MYH6: variants seen among roughly 807,000 people sequenced by gnomAD.
The protein encoded by MYH6 is myosin-6.
Under a neutral mutation model 223.2 loss-of-function variants are expected in MYH6, and 126 were observed. The observed-to-expected ratio is 0.56, with a 90% CI of 0.49 to 0.65. The LOEUF (loss-of-function observed/expected upper bound fraction) is 0.65, where lower values mean the gene tolerates loss of function less well. MYH6 is among the 30% of genes least tolerant of loss of function. The pLI, the probability that MYH6 is intolerant of heterozygous loss-of-function variation, is 0.00. For missense variants in MYH6, 2,040 were observed against 2,536.4 expected (o/e 0.80, Z 4.20); for synonymous variants, 978 against 1,010.2 (o/e 0.97, Z 0.61).
chr14:23,386,546 C>T lies in MYH6; in HGVS notation c.4728G>A (p.Arg1576=), dbSNP rs912229955. ...EFNQIKAEIE[R]KLAEKDEEME... ...TCTCCTCGTCCTTCTCTGCCAGCTT[C>T]CGCTCGATCTCTGCCTTGATCTGGT... The change falls in exon 33 of 39, where the codon CGG becomes CGA. Residue 1576 remains arginine (R), a synonymous_variant. Transcript: ENST00000405093. 5.0e-6 allele frequency: 8 copies of T among 1,614,108 alleles called. No homozygotes were observed. Among genetic ancestry groups the T allele is most frequent in the African/African-American group, 2.7e-5 (2 of 75,018 alleles).
At chr14:23,398,132 C>T (rs1891485898) in intron 15 of MYH6, among the ~76,000 whole-genome samples, 1 of 151,996 alleles carries the variant, frequency 6.6e-6, no homozygotes, top group South Asian at 2.1e-4. Context: ...ACTTTCCTGC[C>T]TCAGCCTCCC....
At position 23,392,865 on chromosome 14, in the gene MYH6, A is replaced by C. The variant is rs1891276913; in HGVS notation, c.3251+47T>G. ...CGCAGCACCCTGCACTCTATCTACC[A>C]GGCCAGACACCTCCATTAGCCCCTC... On this transcript the variant is annotated intron_variant, in intron 24 of 38. Coordinates refer to ENST00000405093, the MANE Select transcript of MYH6 (RefSeq NM_002471.4). 4 of 1,610,040 alleles carry C rather than the reference A, an allele frequency of 2.5e-6. No homozygotes were observed. In the Admixed American group the frequency reaches 6.7e-5, roughly 27 times the overall value.
chr14:23,400,139 C>G, intron 14 of MYH6, 117 bp downstream of exon 14: 1 of 1,489,142 alleles, frequency 6.7e-7, no homozygotes, highest in South Asian at 1.2e-5. Context: ...AGAAGCTGGG[C>G]CTGGAGAAAG....
At chr14:23,403,288 A>G in intron 10 of MYH6, 60 bp downstream of exon 10, 1 of 1,399,538 alleles carries the variant, frequency 7.1e-7, no homozygotes, top group East Asian at 2.3e-5. Flanking sequence ...CCCTGCATGC[A>G]GGAGTCGTTG....
intron 29 of MYH6, chr14:23,388,587 T>A (rs1891117828): frequency 1.2e-6 from 1 of 851,062 alleles, no homozygotes. Context: ...TGATCGACGG[T>A]AGCTCCTCTG....
chr14:23,385,070 A>T, intron 34 of MYH6, 29 bp from the exon 35 acceptor site: 1 of 1,613,662 alleles, frequency 6.2e-7, no homozygotes, highest in Non-Finnish European at 8.5e-7. Flanking sequence ...AAATGATCAA[A>T]TATATACTAC....
intron 38 of MYH6, 46 bp from the exon 39 acceptor site, chr14:23,382,109 G>T: frequency 6.4e-7 from 1 of 1,551,380 alleles, no homozygotes; most frequent in Non-Finnish European, 8.9e-7. Flanking sequence ...GCAAGAGGGA[G>T]AAGTGTGTGG....
At chr14:23,403,305 G>T (rs1891670038) in intron 10 of MYH6, 43 bp downstream of exon 10, 2 of 1,517,192 alleles carry the variant, frequency 1.3e-6, no homozygotes, top group African/African-American at 1.4e-5. Context: ...GTTGGGGTGT[G>T]CAGCAGGGAC....
Position 23,394,164 on chromosome 14 carries a change from C to T in MYH6, c.2589G>A (p.Glu863=). 1 of 1,614,234 alleles carries T rather than the reference C, an allele frequency of 6.2e-7. No homozygotes were observed. The highest frequency in any genetic ancestry group is 8.5e-7 in the Non-Finnish European group (1 of 1,180,042). Residue 863 remains glutamate (E), a synonymous_variant, in exon 21 of 39, where the codon GAG becomes GAA. Transcript: ENST00000405093. ...GGCGAGCCTCGGACTTCTCCAGCGT[C>T]TCTTTGATGCGCCCGAACTCTTCCT... ...TMKEEFGRIK[E]TLEKSEARRK...
rs747673552 is a variant in MYH6, at chr14:23,384,494, G to A, written c.5513C>T (p.Ser1838Leu). The A allele has an allele frequency of 3.3e-5, 54 of 1,612,828 alleles. No individual in the cohort carries two copies. Among genetic ancestry groups the A allele is most frequent in the Admixed American group, 1.3e-4 (8 of 60,006 alleles). The change falls in exon 36 of 39, where the codon TCG (serine) becomes TTG (leucine). Residue 1838 changes from serine (S) to leucine (L), a missense_variant. By Grantham distance (145) the Ser-to-Leu change is moderately radical (BLOSUM62 -2). Around this residue, in one of 4 missense-constraint regions of MYH6, gnomAD observed 1,203 missense variants for 1,400.2 expected, o/e 0.86. Coordinates refer to ENST00000405093, the MANE Select transcript of MYH6 (RefSeq NM_002471.4). ...LEAEQKRNAESVKGMRKSERR... is the reference protein window; with the variant it reads ...LEAEQKRNAELVKGMRKSERR... ...CTCGCTCTTCCTCATGCCCTTCACC[G>A]ACTCTGCGTTGCGCTTCTGCTCGGC...
intron 35 of MYH6, 35 bp from the exon 36 acceptor site, chr14:23,384,752 C>CCGGGG: frequency 6.2e-7 from 1 of 1,614,176 alleles, no homozygotes; most frequent in South Asian, 1.1e-5. Flanking sequence ...GGAACATGGG[C>CCGGGG]CAGGGGCCGG....
chr14:23,394,656 T>C (rs1039014014), intron 20 of MYH6, among the ~76,000 whole-genome samples: 3 of 152,138 alleles, frequency 2.0e-5, no homozygotes, highest in African/African-American at 7.2e-5. Flanking sequence ...AATAAGTATG[T>C]AAGTTATGCA....
chr14:23,404,220 T>C (rs1369942998), intron 8 of MYH6, 76 bp downstream of exon 8: 4 of 1,492,204 alleles, frequency 2.7e-6, no homozygotes, highest in African/African-American at 2.8e-5. Flanking sequence ...TACAATCAAC[T>C]GGGTGTGGCA....
Position 23,389,010 on chromosome 14 carries a change from A to G in MYH6, c.4024T>C (p.Cys1342Arg), listed in dbSNP as rs1337248691. ...TCGTACTGCTCCCGCAGCAGGTCGC[A>G]GTCATGCCGGGCCGACTGCAGTGCA... The part of the protein sequence containing the change: ...AHALQSARHD[C>R]DLLREQYEEE... The change falls in exon 29 of 39, where the codon TGC becomes CGC. Residue 1342 changes from cysteine (C) to arginine (R), a missense_variant. Cys to Arg is a radical substitution (Grantham distance 180). Coordinates refer to ENST00000405093, the MANE Select transcript of MYH6 (RefSeq NM_002471.4). The G allele has an allele frequency of 6.4e-7, 1 of 1,565,208 alleles. No homozygotes were observed.
chr14:23,403,678 G>A (rs754641090), intron 9 of MYH6, 37 bp downstream of exon 9: 3 of 1,580,024 alleles, frequency 1.9e-6, no homozygotes, highest in South Asian at 1.1e-5. Flanking sequence ...AGGCAGAGGG[G>A]GACCTAGAGG....
In MYH6 at chr14:23,402,691, A is replaced by T; in HGVS notation, c.1002+6T>A. 1 of 1,613,256 alleles carries T rather than the reference A, an allele frequency of 6.2e-7. No individual in the cohort carries two copies. The highest frequency in any genetic ancestry group is 8.5e-7 in the Non-Finnish European group (1 of 1,179,824). ...CTCGAACGGCCGCAGCAGCCCCCTC[A>T]CTCACATCGGTGGCCATGAGCTCCT... On this transcript the variant is annotated splice_donor_region_variant and intron_variant, in intron 11 of 38. Coordinates refer to ENST00000405093, the MANE Select transcript of MYH6 (RefSeq NM_002471.4).
At position 23,389,745 on chromosome 14, in the gene MYH6, G is replaced by T. The variant is rs201572923; in HGVS notation, c.3733-26C>A. The stretch of plus-strand genomic sequence containing the variant: ...CTTCAGGAAGCAAGACAGGAAGGGT[G>T]AGTGTGGGAGGGGCTGAGTCGACCA... On this transcript the variant is annotated intron_variant, in intron 26 of 38. Coordinates refer to ENST00000405093, the MANE Select transcript of MYH6 (RefSeq NM_002471.4). 31 of 1,614,178 alleles carry T rather than the reference G, an allele frequency of 1.9e-5. No individual in the cohort carries two copies. In the East Asian group the frequency reaches 2.9e-4, roughly 15 times the overall value.
intron 36 of MYH6, among the ~76,000 whole-genome samples, chr14:23,384,189 T>TAAAAA (rs34577405): frequency 1.4e-5 from 2 of 140,946 alleles, no homozygotes; most frequent in Non-Finnish European, 3.1e-5. Flanking sequence ...TTAGAGTTAT[T>TAAAAA]AAAAAAAAAA....
Position 23,405,834 on chromosome 14 carries a change from T to A in MYH6, c.202-64A>T. The A allele has an allele frequency of 6.2e-7, 1 of 1,606,894 alleles. No homozygotes were observed. Among genetic ancestry groups the A allele is most frequent in the East Asian group, 2.2e-5 (1 of 44,822 alleles). On this transcript the variant is annotated intron_variant, in intron 3 of 38. Coordinates refer to ENST00000405093, the MANE Select transcript of MYH6 (RefSeq NM_002471.4). The surrounding 1 kb of genome is among the most constrained non-coding windows in gnomAD (Gnocchi z 4.7). ...ATCCCTCCGGGACCCTTGCCAGCAC[T>A]GCCCACTGACCTCCTCCCAGGACAC... is the stretch of plus-strand genomic sequence containing the variant.
Sources: allele counts gnomAD v4.1 joint callset (sites outside exome capture counted in the v4.1 genomes callset), GRCh38; gene constraint gnomAD v4.1.1; regional missense constraint gnomAD v4.1.1; non-coding constraint Gnocchi (gnomAD v3.1); transcripts MANE v1.5; gene names NCBI Gene and HGNC (gene_info 2026-07-23, HGNC 2026-07-21).